The following ANXA2 variants were observed in gnomAD, a reference collection of about 807,000 sequenced individuals.
ANXA2 encodes the protein annexin II.
ANXA2 carries 28 observed loss-of-function variants against 47.3 expected under a neutral mutation model. The ratio of observed to expected loss-of-function variants is 0.59; its 90% CI spans 0.44 to 0.81. The LOEUF is 0.81. ANXA2 is among the 40% of genes least tolerant of loss of function. ANXA2 has a pLI of 0.00. For missense variants in ANXA2, 384 were observed against 414.3 expected (o/e 0.93, Z 0.64); for synonymous variants, 172 against 155.5 (o/e 1.11, Z -0.79).
intron 3 of ANXA2, among the ~76,000 whole-genome samples, chr15:60,370,903 G>A (rs980382649): frequency 5.9e-5 from 9 of 152,154 alleles, no homozygotes; most frequent in Non-Finnish European, 1.0e-4. Flanking sequence ...CCTCTTCCTC[G>A]TGTGTCTGAT....
At chr15:60,361,270 C>T (rs2062508398) in intron 4 of ANXA2, among the ~76,000 whole-genome samples, 1 of 152,146 alleles carries the variant, frequency 6.6e-6, no homozygotes, top group Non-Finnish European at 1.5e-5. Flanking sequence ...CCTTAAAATC[C>T]AAGTTAATTT....
chr15:60,371,953 C>T (rs1242311467), intron 3 of ANXA2, among the ~76,000 whole-genome samples: 2 of 152,056 alleles, frequency 1.3e-5, no homozygotes, highest in African/African-American at 4.8e-5. Context: ...AGTTTGAGAT[C>T]AGCCTCACTA....
At chr15:60,363,216 C>G (rs2062544497) in intron 4 of ANXA2, among the ~76,000 whole-genome samples, 2 of 152,052 alleles carry the variant, frequency 1.3e-5, no homozygotes, top group Non-Finnish European at 2.9e-5. Flanking sequence ...CTTTGGGAAG[C>G]TGCAGAAATA....
At chr15:60,379,669 C>G (rs895007020) in intron 3 of ANXA2, among the ~76,000 whole-genome samples, 2 of 152,206 alleles carry the variant, frequency 1.3e-5, no homozygotes, top group African/African-American at 4.8e-5. Context: ...TCAGAGGTTA[C>G]TTTGAAGTTC....
chr15:60,367,036 C>G (rs113967285), intron 3 of ANXA2, among the ~76,000 whole-genome samples: 2,039 of 42,264 alleles, frequency 0.048, 89 homozygotes, highest in Admixed American at 0.1. Flanking sequence ...GGTCAGCCCC[C>G]CGCCCGGCCA....
At chr15:60,362,875 A>T (rs1430924956) in intron 4 of ANXA2, 2 of 151,742 alleles carry the variant, frequency 1.3e-5, no homozygotes, top group Non-Finnish European at 2.9e-5. Context: ...CTAATCTAAA[A>T]CCAAGATCTA....
In ANXA2 at chr15:60,397,257, C is replaced by T. The variant is rs1193947379; in HGVS notation, c.-12+686G>A. ...CCCCACAGAATCATGGGGGACACTA[C>T]CTTCCTGAGGCCAATGTGTTCAACC... On this transcript the variant is annotated intron_variant, in intron 1 of 12. Coordinates refer to ENST00000451270, the MANE Select transcript of ANXA2 (RefSeq NM_004039.3). The T allele has an allele frequency of 7.1e-6, 7 of 985,000 alleles. No homozygotes were observed. The highest frequency in any genetic ancestry group is 7.2e-6 in the Non-Finnish European group (6 of 829,654). The allele number at this position is 985,000 out of a possible 1,614,324, so 61.0% of individuals were successfully genotyped here. A position where few individuals can be genotyped will look rare whatever the true frequency, so the allele number is the denominator to read the frequency against.
intron 1 of ANXA2, chr15:60,390,253 G>A: frequency 3.9e-6 from 4 of 1,031,296 alleles, no homozygotes; most frequent in Non-Finnish European, 4.7e-6. Context: ...ATCCCATGCA[G>A]GTGCCTTTTG....
intron 10 of ANXA2, 92 bp from the exon 11 acceptor site, chr15:60,351,343 A>G: frequency 1.5e-6 from 2 of 1,296,968 alleles, no homozygotes; most frequent in Middle Eastern, 2.0e-4. Flanking sequence ...GCCACAAACC[A>G]GAAGTGACCT....
intron 12 of ANXA2, 38 bp from the exon 13 acceptor site, chr15:60,347,727 G>GA (rs1566926721): frequency 6.3e-7 from 1 of 1,591,924 alleles, no homozygotes; most frequent in Admixed American, 1.7e-5. Context: ...CGTGGTATCA[G>GA]AAAAAAGCCC....
chr15:60,382,129 G>T (rs144406511), intron 3 of ANXA2, among the ~76,000 whole-genome samples: 2,249 of 151,192 alleles, frequency 0.015, 56 homozygotes, highest in African/African-American at 0.052. Flanking sequence ...AAGGAAGAAA[G>T]GGAGAAGGGA....
chr15:60,357,272 T>A (rs905362533), intron 5 of ANXA2, 36 bp from the exon 6 acceptor site: 4 of 1,567,358 alleles, frequency 2.6e-6, no homozygotes, highest in Non-Finnish European at 3.5e-6. Flanking sequence ...AGCAGGGAAA[T>A]GCTTCCCCAC....
At chr15:60,362,358 T>C (rs1250631123) in intron 4 of ANXA2, among the ~76,000 whole-genome samples, 1 of 152,218 alleles carries the variant, frequency 6.6e-6, no homozygotes, top group Non-Finnish European at 1.5e-5. Flanking sequence ...ACTTCCTGTT[T>C]CTCACAATGT....
intron 1 of ANXA2, chr15:60,397,445 C>T: frequency 2.1e-6 from 1 of 483,390 alleles, no homozygotes; most frequent in East Asian, 1.4e-4. Flanking sequence ...TTCCCTCCTG[C>T]TGGTCGGTTC....
At chr15:60,371,880 G>A (rs112565515) in intron 3 of ANXA2, among the ~76,000 whole-genome samples, 228 of 152,280 alleles carry the variant, frequency 1.5e-3, no homozygotes, top group African/African-American at 5.3e-3. Flanking sequence ...TGCCGGGCGC[G>A]GTGGCTCACG....
At chr15:60,376,103 C>A (rs1453615019) in intron 3 of ANXA2, among the ~76,000 whole-genome samples, 2 of 152,010 alleles carry the variant, frequency 1.3e-5, no homozygotes, top group African/African-American at 4.8e-5. Flanking sequence ...ATAGGCCAGG[C>A]GCAGTGGCTC....
At chr15:60,349,527 T>C (rs1883042628) in intron 11 of ANXA2, among the ~76,000 whole-genome samples, 1 of 152,114 alleles carries the variant, frequency 6.6e-6, no homozygotes, top group South Asian at 2.1e-4. Context: ...TATTACAAAA[T>C]CAAAAATAAA....
At chr15:60,393,775 G>T in intron 1 of ANXA2, 1 of 830,050 alleles carries the variant, frequency 1.2e-6, no homozygotes, top group Non-Finnish European at 1.5e-6. Context: ...TCTGTCTTCC[G>T]TATTATCCGC....
At chr15:60,394,152 C>T (rs1202629221) in intron 1 of ANXA2, among the ~76,000 whole-genome samples, 2 of 152,150 alleles carry the variant, frequency 1.3e-5, no homozygotes, top group Admixed American at 1.3e-4. Context: ...TCCATAGGAC[C>T]ACATGGGAAC....
Sources: allele counts gnomAD v4.1 joint callset (sites outside exome capture counted in the v4.1 genomes callset), GRCh38; gene constraint gnomAD v4.1.1; transcripts MANE v1.5; gene names NCBI Gene and HGNC (gene_info 2026-07-23, HGNC 2026-07-21).